The following FIG4 variants were observed in gnomAD, a reference collection of about 807,000 sequenced individuals.
FIG4 encodes the protein polyphosphoinositide phosphatase.
In FIG4, 112 loss-of-function variants were observed where a neutral mutation model predicts 118.6. That is an observed-to-expected ratio of 0.94 (90% CI 0.81 to 1.11). The LOEUF is 1.11. FIG4 is among the 50% of genes least tolerant of loss of function. The pLI is 0.00. For synonymous variants in FIG4, 369 were observed against 381.2 expected (o/e 0.97, Z 0.37); for missense variants, 969 against 1,111.7 (o/e 0.87, Z 1.83).
intron 2 of FIG4, among the ~76,000 whole-genome samples, chr6:109,716,117 A>G (rs1259205099): frequency 6.6e-6 from 1 of 152,142 alleles, no homozygotes; most frequent in Non-Finnish European, 1.5e-5. Flanking sequence ...AAAGATGCAC[A>G]TTTACTCAAA....
At chr6:109,760,031 T>G (rs903491764) in intron 10 of FIG4, among the ~76,000 whole-genome samples, 13 of 152,170 alleles carry the variant, frequency 8.5e-5, no homozygotes, top group Non-Finnish European at 1.8e-4. Flanking sequence ...AAACCTGATC[T>G]CCTAGAATCT....
At chr6:109,805,121 A>C (rs1027559709) in intron 22 of FIG4, among the ~76,000 whole-genome samples, 4 of 152,170 alleles carry the variant, frequency 2.6e-5, no homozygotes, top group African/African-American at 9.7e-5. Context: ...TCTGAGCAGA[A>C]TCCCTTGATA....
chr6:109,732,775 G>T, intron 5 of FIG4, 88 bp downstream of exon 5: 1 of 729,720 alleles, frequency 1.4e-6, no homozygotes, highest in Non-Finnish European at 2.4e-6. Flanking sequence ...GAACATAGTA[G>T]TACTTCTCTT....
chr6:109,791,096 G>T (rs1047611487), intron 19 of FIG4, among the ~76,000 whole-genome samples: 4 of 152,164 alleles, frequency 2.6e-5, no homozygotes, highest in Admixed American at 2.6e-4. Flanking sequence ...GTTACCAAAG[G>T]AAGGCATGGT....
chr6:109,799,969 C>T (rs145173235), intron 22 of FIG4, among the ~76,000 whole-genome samples: 124 of 152,180 alleles, frequency 8.1e-4, no homozygotes, highest in African/African-American at 2.8e-3. Context: ...CAACATTGAC[C>T]GAACACACTG....
At chr6:109,724,573 G>A (rs1775730670) in intron 3 of FIG4, among the ~76,000 whole-genome samples, 2 of 152,100 alleles carry the variant, frequency 1.3e-5, no homozygotes, top group African/African-American at 2.4e-5. Context: ...AACTGCTGTA[G>A]CTTCTCCAAG....
chr6:109,787,536 C>G (rs557284145), intron 18 of FIG4, among the ~76,000 whole-genome samples: 2 of 152,170 alleles, frequency 1.3e-5, no homozygotes, highest in Non-Finnish European at 2.9e-5. Context: ...TATATGTGTT[C>G]ATATACATAT....
chr6:109,706,082 GC>G (rs2128379232), intron 1 of FIG4, among the ~76,000 whole-genome samples: 1 of 152,342 alleles, frequency 6.6e-6, no homozygotes, highest in Admixed American at 6.5e-5. Flanking sequence ...ACCATATTGT[GC>G]TACTAGACTA....
intron 1 of FIG4, among the ~76,000 whole-genome samples, chr6:109,701,357 T>C (rs1404015392): frequency 6.6e-6 from 1 of 152,226 alleles, no homozygotes; most frequent in Non-Finnish European, 1.5e-5. Flanking sequence ...ACTAGGAGTT[T>C]CCAGCAGAGA....
Position 109,705,222 on chromosome 6 carries a change from A to G in FIG4, c.67-9856A>G, listed in dbSNP as rs796564741. ...ATACTATTAAATGTAACAAAGGCTGAGGATATACAGTGTTGATATATTCAA... is the reference window on the plus strand; with the variant it reads ...ATACTATTAAATGTAACAAAGGCTGGGGATATACAGTGTTGATATATTCAA... On this transcript the variant is annotated intron_variant, in intron 1 of 22. Transcript: ENST00000230124. 6.6e-5 allele frequency among the ~76,000 whole-genome samples: 10 copies of G among 152,344 alleles called. 1 individual carries two copies. The highest frequency in any genetic ancestry group is 2.4e-4 in the African/African-American group (10 of 41,574).
chr6:109,707,490 A>G (rs1449139433), intron 1 of FIG4, among the ~76,000 whole-genome samples: 1 of 150,668 alleles, frequency 6.6e-6, no homozygotes, highest in East Asian at 1.9e-4. Context: ...TAAAAATTCC[A>G]TGTATTTCTA....
At position 109,764,948 on chromosome 6, in the gene FIG4, A is replaced by G. The variant is rs551780327; in HGVS notation, c.1435-65A>G. The G allele has an allele frequency of 5.2e-5, 64 of 1,242,598 alleles. 1 individual carries two copies. The South Asian group carries it at 7.6e-4, about 15-fold the overall frequency. The allele number at this position is 1,242,598 out of a possible 1,614,324, so 77.0% of individuals were successfully genotyped here. ...TTGTTTTTGTTTCTTAAAGAAATCT[A>G]AAGTAGTATGGAAGTTCTTTGGTGA... On this transcript the variant is annotated intron_variant, in intron 13 of 22. Transcript: ENST00000230124.
chr6:109,777,759 T>C (rs539818270), intron 16 of FIG4, among the ~76,000 whole-genome samples: 21 of 152,194 alleles, frequency 1.4e-4, no homozygotes, highest in Non-Finnish European at 2.6e-4. Flanking sequence ...ATTGGTAATA[T>C]AATATTCTCA....
chr6:109,692,537 TTAGATC>T (rs1774515982), intron 1 of FIG4, among the ~76,000 whole-genome samples: 1 of 152,180 alleles, frequency 6.6e-6, no homozygotes, highest in Admixed American at 6.5e-5. Flanking sequence ...ACAACTTTGA[TTAGATC>T]TAGAGCAGAA....
chr6:109,725,035 T>C (rs1562647178), intron 3 of FIG4, among the ~76,000 whole-genome samples: 2 of 152,140 alleles, frequency 1.3e-5, no homozygotes, highest in Non-Finnish European at 2.9e-5. Flanking sequence ...TTAAGGCACC[T>C]CAGTCCTATT....
Position 109,744,512 on chromosome 6 carries a change from TG to T in FIG4, c.1137+742del, listed in dbSNP as rs750827774. ...GTGTTGTTATGTTATGTGCTCTTGG[TG>T]GTGTCCAACAATCTAGTAGTGTCTG... On this transcript the variant is annotated intron_variant, in intron 10 of 22. Coordinates refer to ENST00000230124, the MANE Select transcript of FIG4 (RefSeq NM_014845.6). Among the ~76,000 whole-genome samples the T allele has an allele frequency of 2.3e-3, 345 of 152,090 alleles. 1 individual carries two copies. The highest frequency in any genetic ancestry group is 4.3e-3 in the Admixed American group (66 of 15,258).
At chr6:109,755,376 A>G (rs983402562) in intron 10 of FIG4, among the ~76,000 whole-genome samples, 25 of 152,152 alleles carry the variant, frequency 1.6e-4, no homozygotes, top group African/African-American at 6.0e-4. Context: ...CAATTTTGGA[A>G]TAGGTGTGGT....
At chr6:109,797,236 T>G (rs4295520) in intron 22 of FIG4, among the ~76,000 whole-genome samples, 7,947 of 152,292 alleles carry the variant, frequency 0.052, 383 homozygotes, top group East Asian at 0.18. Flanking sequence ...TCAGTTCTAA[T>G]AACTTGCTGT....
At position 109,822,738 on chromosome 6, in the gene FIG4, ATTACT is replaced by A. The variant is rs917722800; in HGVS notation, c.2547-2348_2547-2344del. Reference sequence around the variant, plus strand: ...GTTCACATGGCTTCACTTAAAGCACATTACTTGGTGGGGATGGTTGAAGTGTATAT... The same window carrying A: ...GTTCACATGGCTTCACTTAAAGCACATGGTGGGGATGGTTGAAGTGTATAT... On this transcript the variant is annotated intron_variant, in intron 22 of 22. Transcript: ENST00000230124. Among the ~76,000 whole-genome samples, 5 of 148,596 alleles carry A rather than the reference ATTACT, an allele frequency of 3.4e-5. 1 individual carries two copies. Among genetic ancestry groups the A allele is most frequent in the Admixed American group, 2.7e-4 (4 of 14,900 alleles).
Sources: gnomAD v4.1 joint callset for allele counts (sites outside exome capture counted in the v4.1 genomes callset) on GRCh38, gnomAD v4.1.1 for gene constraint, MANE v1.5 for transcripts, NCBI Gene and HGNC (gene_info 2026-07-23, HGNC 2026-07-21) for gene names.